CAPSL: variants seen among roughly 807,000 people sequenced by gnomAD.
CAPSL encodes calcyphosine like, also known as calcyphosin-like protein.
Under a neutral mutation model 21.3 loss-of-function variants are expected in CAPSL, and 17 were observed. The observed-to-expected ratio is 0.80, with a 90% CI of 0.55 to 1.20. The LOEUF (loss-of-function observed/expected upper bound fraction) is 1.20. Among genes scored for constraint, CAPSL ranks in the 50% most tolerant of loss-of-function variants. The pLI is 0.00. For synonymous variants in CAPSL, 102 were observed against 89.3 expected (o/e 1.14, Z -0.80); for missense variants, 289 against 259.3 (o/e 1.11, Z -0.79).
At chr5:35,934,580 G>A (rs1442021936) in intron 1 of CAPSL, among the ~76,000 whole-genome samples, 1 of 152,178 alleles carries the variant, frequency 6.6e-6, no homozygotes, top group Admixed American at 6.5e-5. Context: ...ATAGAGGCTG[G>A]AGTATTTATT....
rs1336044425 is a variant in CAPSL at position 35,913,146 on chromosome 5, G to T, written c.138-2603C>A. 2.0e-5 allele frequency among the ~76,000 whole-genome samples: 3 copies of T among 152,278 alleles called. No homozygotes were observed. The East Asian group carries it at 5.8e-4, about 29-fold the overall frequency. On this transcript the variant is annotated intron_variant, in intron 2 of 4. Coordinates refer to ENST00000651391, the MANE Select transcript of CAPSL (RefSeq NM_001042625.2). ...AAATGAATGAAATGAAGTGAGAAGA[G>T]AAGTTTAGAGATAAAAGAACAAAAA...
At chr5:35,933,436 G>T (rs771537707) in intron 1 of CAPSL, among the ~76,000 whole-genome samples, 41 of 152,146 alleles carry the variant, frequency 2.7e-4, no homozygotes, top group South Asian at 2.1e-4. Context: ...ATTCTGAGCA[G>T]GGCCTGTTGC....
rs559508390 is a variant in CAPSL at position 35,907,647 on chromosome 5, C to A, written c.525+2219G>T. The stretch of plus-strand genomic sequence containing the variant: ...AATTCCGTGACTGCTGAAACTCCAG[C>A]AACCTTTATGGGTATTTGAGAGTTT... On this transcript the variant is annotated intron_variant, in intron 4 of 4. Coordinates refer to ENST00000651391, the MANE Select transcript of CAPSL (RefSeq NM_001042625.2). 1.2e-4 allele frequency among the ~76,000 whole-genome samples: 18 copies of A among 152,254 alleles called. No individual in the cohort carries two copies. In the South Asian group the frequency reaches 3.1e-3, roughly 26 times the overall value.
At chr5:35,917,340 AC>A (rs1448050292) in intron 2 of CAPSL, among the ~76,000 whole-genome samples, 2 of 152,198 alleles carry the variant, frequency 1.3e-5, no homozygotes, top group African/African-American at 4.8e-5. Context: ...TAGAAATATC[AC>A]TTGACCCAGC....
At chr5:35,931,092 A>G (rs1033498160) in intron 1 of CAPSL, among the ~76,000 whole-genome samples, 23 of 152,164 alleles carry the variant, frequency 1.5e-4, no homozygotes, top group Non-Finnish European at 2.8e-4. Context: ...AAGAAACATA[A>G]TCTCTTTGTA....
rs1026071617 is a variant in CAPSL at position 35,904,410 on chromosome 5, A to G, written c.*135T>C. On this transcript the variant is annotated 3_prime_UTR_variant, in exon 5 of 5. Transcript: ENST00000651391. ...TTATTTCTGCCTGTTTTTTGGCCCC[A>G]GAAAATGCAATATTTTGACACAGAA... The G allele has an allele frequency of 1.2e-4, 84 of 708,484 alleles. No homozygotes were observed. In the African/African-American group the frequency reaches 1.2e-3, roughly 10 times the overall value. The allele number at this position is 708,484 out of a possible 1,614,324, so 43.9% of individuals were successfully genotyped here.
chr5:35,926,873 C>G (rs551842021), intron 1 of CAPSL, among the ~76,000 whole-genome samples: 1 of 152,234 alleles, frequency 6.6e-6, no homozygotes, highest in Non-Finnish European at 1.5e-5. Flanking sequence ...ACTTCTCTGA[C>G]CGTACATTCC....
chr5:35,914,073 A>T (rs1738304279), intron 2 of CAPSL, among the ~76,000 whole-genome samples: 1 of 152,238 alleles, frequency 6.6e-6, no homozygotes, highest in Non-Finnish European at 1.5e-5. Context: ...TCTCTGATAA[A>T]ACAGACTTTA....
intron 4 of CAPSL, among the ~76,000 whole-genome samples, chr5:35,905,889 C>G (rs1273217005): frequency 6.6e-6 from 1 of 152,226 alleles, no homozygotes; most frequent in African/African-American, 2.4e-5. Flanking sequence ...AAATCAGAAT[C>G]TCTGAAGCAG....
chr5:35,910,472 T>A lies in CAPSL; in HGVS notation c.209A>T (p.Asp70Val), dbSNP rs756634622. Residue 70 changes from aspartate (D) to valine (V), a missense_variant, in exon 3 of 5, where the codon GAT (aspartate) becomes GTT (valine). Physicochemically the swap from Asp to Val is radical, Grantham distance 152. Coordinates refer to ENST00000651391, the MANE Select transcript of CAPSL (RefSeq NM_001042625.2). The part of the protein sequence containing the change: ...DFKEFMKGLN[D>V]YAVVMEKEEV... ...TTCTTTTTCCATGACCACAGCATAA[T>A]CATTTAACCCTTTCATAAATTCTTT... is the stretch of plus-strand genomic sequence containing the variant. The A allele has an allele frequency of 6.2e-6, 10 of 1,613,248 alleles. No homozygotes were observed. The Admixed American group carries it at 1.7e-4, about 27-fold the overall frequency.
chr5:35,928,798 C>T (rs1346221928), intron 1 of CAPSL, among the ~76,000 whole-genome samples: 4 of 152,066 alleles, frequency 2.6e-5, no homozygotes, highest in Admixed American at 6.6e-5. Flanking sequence ...CAGAGATGTC[C>T]GCAGTGCTGA....
intron 1 of CAPSL, among the ~76,000 whole-genome samples, chr5:35,937,189 G>A (rs1362188989): frequency 6.6e-6 from 1 of 152,068 alleles, no homozygotes; most frequent in Admixed American, 6.6e-5. Flanking sequence ...CCCTAGCTTT[G>A]CCCTCTGTAC....
At chr5:35,922,416 C>G (rs771489396) in intron 1 of CAPSL, among the ~76,000 whole-genome samples, 7 of 152,038 alleles carry the variant, frequency 4.6e-5, no homozygotes, top group Non-Finnish European at 1.0e-4. Context: ...TCTTTCTTGC[C>G]CTGTATTCAG....
intron 2 of CAPSL, among the ~76,000 whole-genome samples, chr5:35,916,502 G>C (rs541287449): frequency 6.6e-6 from 1 of 152,088 alleles, no homozygotes; most frequent in East Asian, 1.9e-4. Context: ...CATGGTACTG[G>C]TACCAAAACA....
At chr5:35,909,782 TA>T in intron 4 of CAPSL, 83 bp downstream of exon 4, 1 of 1,118,290 alleles carries the variant, frequency 8.9e-7, no homozygotes, top group Non-Finnish European at 1.3e-6. Flanking sequence ...ATCAATGTGT[TA>T]ACATTTTTAA....
chr5:35,933,275 G>A (rs781450269), intron 1 of CAPSL, among the ~76,000 whole-genome samples: 1 of 152,176 alleles, frequency 6.6e-6, no homozygotes, highest in African/African-American at 2.4e-5. Context: ...AGTTTGTTTA[G>A]AGCAGAAAAT....
In CAPSL at chr5:35,911,660, G is replaced by A. The variant is rs56392607; in HGVS notation, c.138-1117C>T. 5.6e-3 allele frequency among the ~76,000 whole-genome samples: 850 copies of A among 152,292 alleles called. 8 individuals are homozygous for A. Among genetic ancestry groups the A allele is most frequent in the African/African-American group, 0.019 (798 of 41,550 alleles). On this transcript the variant is annotated intron_variant, in intron 2 of 4. Coordinates refer to ENST00000651391, the MANE Select transcript of CAPSL (RefSeq NM_001042625.2). ...GAAAAGGACACTAGGTAAAAACTACGGAAGTATGAATAAATTATGGGCCTT... is the reference window on the plus strand; with the variant it reads ...GAAAAGGACACTAGGTAAAAACTACAGAAGTATGAATAAATTATGGGCCTT...
chr5:35,922,386 G>A (rs1186821946), intron 1 of CAPSL, among the ~76,000 whole-genome samples: 1 of 152,044 alleles, frequency 6.6e-6, no homozygotes, highest in Non-Finnish European at 1.5e-5. Context: ...AGCCTCCACC[G>A]AGCCAAGGTA....
rs1209941089 is a variant in CAPSL, at chr5:35,938,552, A to G, written c.-12T>C. The G allele has an allele frequency of 6.5e-6, 1 of 153,094 alleles. No homozygotes were observed. Among genetic ancestry groups the G allele is most frequent in the Non-Finnish European group, 1.5e-5 (1 of 68,030 alleles). 9.5% of individuals were successfully genotyped at this position (153,094 alleles called of 1,614,324 possible). A position where few individuals can be genotyped will look rare whatever the true frequency, so the allele number is the denominator to read the frequency against. ...AAACATTGATTTACCTTAAATGCTA[A>G]CCTTTTGCCACCAGTTGCTTCGAAC... is the stretch of plus-strand genomic sequence containing the variant. On this transcript the variant is annotated 5_prime_UTR_variant, in exon 1 of 5. Transcript: ENST00000651391.
Sources: allele counts gnomAD v4.1 joint callset (sites outside exome capture counted in the v4.1 genomes callset), GRCh38; gene constraint gnomAD v4.1.1; transcripts MANE v1.5; gene names NCBI Gene and HGNC (gene_info 2026-07-23, HGNC 2026-07-21).